The following AFM variants were observed in gnomAD, a reference collection of about 807,000 sequenced individuals.
AFM encodes the protein afamin, also known as alpha-Alb.
Under a neutral mutation model 68.7 loss-of-function variants are expected in AFM, and 82 were observed. The ratio of observed to expected loss-of-function variants is 1.19; its 90% CI spans 1.00 to 1.43. AFM has a LOEUF of 1.43. Among genes scored for constraint, AFM ranks in the 40% most tolerant of loss-of-function variants. The probability of loss-of-function intolerance (pLI) is 0.00; values close to 1 mark genes in which losing one functional copy is unlikely to be tolerated. For synonymous variants in AFM, 250 were observed against 234.2 expected, an observed-to-expected ratio of 1.07 and a Z score of -0.61; for missense variants, 772 against 701.8, an observed-to-expected ratio of 1.10 and a Z score of -1.13.
In AFM at chr4:73,500,047, G is replaced by A. The variant is rs764036852; in HGVS notation, c.1466G>A (p.Arg489Gln). 1.9e-6 allele frequency: 3 copies of A among 1,613,964 alleles called. No individual in the cohort carries two copies. Among genetic ancestry groups the A allele is most frequent in the South Asian group, 2.2e-5 (2 of 91,062 alleles). ...GAGTTATGTGGAGTAAATGAAAATC[G>A]AACTATCAACCCTGCTGTGGACCAC... ...FGELCGVNEN[R>Q]TINPAVDHCC... Residue 489 changes from arginine to glutamine, a missense_variant, in exon 12 of 15, where the codon CGA becomes CAA. Coordinates refer to ENST00000226355, the MANE Select transcript of AFM (RefSeq NM_001133.2).
At chr4:73,498,966 A>G in intron 10 of AFM, 148 bp from the exon 11 acceptor site, 1 of 648,918 alleles carries the variant, frequency 1.5e-6, no homozygotes, top group Non-Finnish European at 2.4e-6. Flanking sequence ...AAGTAAAGAC[A>G]TATTTCTCTA....
chr4:73,498,184 C>A (rs1038868114), intron 10 of AFM, among the ~76,000 whole-genome samples: 2 of 151,882 alleles, frequency 1.3e-5, no homozygotes, highest in African/African-American at 4.8e-5. Flanking sequence ...TAATATTTAG[C>A]TTTTTAGTGC....
chr4:73,492,518 A>G (rs1456032458), intron 8 of AFM, among the ~76,000 whole-genome samples: 5 of 152,132 alleles, frequency 3.3e-5, no homozygotes, highest in Non-Finnish European at 5.9e-5. Flanking sequence ...CTTAACTGCT[A>G]TGCTATGCCA....
intron 6 of AFM, 83 bp from the exon 7 acceptor site, chr4:73,488,547 A>G (rs747843016): frequency 6.6e-6 from 8 of 1,206,988 alleles, no homozygotes; most frequent in South Asian, 1.5e-5. Context: ...TTTTGTAGCT[A>G]TTCATATCAT....
chr4:73,487,927 G>C lies in AFM; in HGVS notation c.713+106G>C, dbSNP rs1720952400. 4 of 729,782 alleles carry C rather than the reference G, an allele frequency of 5.5e-6. No homozygotes were observed. The East Asian group carries it at 1.1e-4, about 20-fold the overall frequency. The allele number at this position is 729,782 out of a possible 1,614,324, so 45.2% of individuals were successfully genotyped here. On this transcript the variant is annotated intron_variant, in intron 6 of 14. Transcript: ENST00000226355. ...TTATTTATATTCTTCCTAGTACCTA[G>C]GGGCTTTGGGGTGAGTCTGAGCCTA... is the stretch of plus-strand genomic sequence containing the variant.
chr4:73,497,328 C>G (rs1260758876), intron 9 of AFM, among the ~76,000 whole-genome samples: 4 of 152,142 alleles, frequency 2.6e-5, no homozygotes, highest in Admixed American at 2.6e-4. Context: ...AACAACTGCT[C>G]TTGCCACTTC....
intron 3 of AFM, among the ~76,000 whole-genome samples, 181 bp from the exon 4 acceptor site, chr4:73,485,681 G>A: frequency 7.5e-6 from 1 of 133,152 alleles, no homozygotes; most frequent in Admixed American, 7.7e-5. Flanking sequence ...GGAGGAGGTG[G>A]AAGAGAAGGA....
chr4:73,498,981 A>G, intron 10 of AFM, 133 bp from the exon 11 acceptor site: 1 of 788,464 alleles, frequency 1.3e-6, no homozygotes, highest in Non-Finnish European at 1.9e-6. Context: ...TCTCTACTTT[A>G]TGAGAGAGCT....
intron 7 of AFM, among the ~76,000 whole-genome samples, chr4:73,489,558 C>A (rs1054710210): frequency 6.6e-6 from 1 of 152,084 alleles, no homozygotes; most frequent in Non-Finnish European, 1.5e-5. Flanking sequence ...GGTATGAATT[C>A]ATCATTGAAT....
At chr4:73,489,349 A>G (rs1433668208) in intron 7 of AFM, among the ~76,000 whole-genome samples, 1 of 151,606 alleles carries the variant, frequency 6.6e-6, no homozygotes, top group East Asian at 1.9e-4. Context: ...TAAAAATTGT[A>G]TATTCTCATG....
intron 12 of AFM, 142 bp downstream of exon 12, chr4:73,500,369 G>A (rs1577981784): frequency 1.4e-6 from 1 of 733,902 alleles, no homozygotes; most frequent in East Asian, 2.8e-5. Flanking sequence ...CTTCTATATG[G>A]AAAAATACAA....
chr4:73,500,438 CTTGGAATGTCCAAGTCTAACA>C (rs1721398272), intron 12 of AFM, among the ~76,000 whole-genome samples: 1 of 151,828 alleles, frequency 6.6e-6, no homozygotes, highest in African/African-American at 2.4e-5. Flanking sequence ...TTGAAAGAGA[CTTGGAATGTCCAAGTCTAACA>C]TTACCTTTAG....
rs1577980491 is a variant in AFM, at chr4:73,498,158, G to C, written c.1289+409G>C. 2.6e-5 allele frequency among the ~76,000 whole-genome samples: 4 copies of C among 152,204 alleles called. No individual in the cohort carries two copies. The South Asian group carries it at 8.3e-4, about 32-fold the overall frequency. On this transcript the variant is annotated intron_variant, in intron 10 of 14. Transcript: ENST00000226355. ...ACCTGAGTTTATAGAAATAACTCAG[G>C]ATGTGTTTAACACTTTAATATTTAG...
intron 10 of AFM, among the ~76,000 whole-genome samples, chr4:73,498,269 AT>A (rs1314787614): frequency 6.6e-6 from 1 of 151,498 alleles, no homozygotes; most frequent in Non-Finnish European, 1.5e-5. Context: ...TATTATCATT[AT>A]TATTATTGTT....
intron 9 of AFM, among the ~76,000 whole-genome samples, chr4:73,496,002 GT>G (rs1359032854): frequency 6.6e-6 from 1 of 152,102 alleles, no homozygotes; most frequent in African/African-American, 2.4e-5. Flanking sequence ...GTTTGGACCT[GT>G]TTTTTTATTT....
chr4:73,492,576 T>A (rs1048603650), intron 8 of AFM, among the ~76,000 whole-genome samples: 1 of 151,798 alleles, frequency 6.6e-6, no homozygotes, highest in Non-Finnish European at 1.5e-5. Flanking sequence ...CCACAGGGAC[T>A]ATATTTGAGT....
At chr4:73,484,444 T>TTCTC (rs1720811952) in intron 3 of AFM, 54 bp downstream of exon 3, 1 of 70,260 alleles carries the variant, frequency 1.4e-5, no homozygotes, top group Non-Finnish European at 2.7e-5. Flanking sequence ...TTCTTTCTCT[T>TTCTC]TCTTTCTTTC....
chr4:73,503,207 C>T, intron 14 of AFM, 97 bp downstream of exon 14: 1 of 945,794 alleles, frequency 1.1e-6, no homozygotes, highest in Non-Finnish European at 1.6e-6. Context: ...ATTTCTGGTT[C>T]ATCCTACATG....
chr4:73,498,129 T>A (rs1311760523), intron 10 of AFM, among the ~76,000 whole-genome samples: 1 of 152,324 alleles, frequency 6.6e-6, no homozygotes, highest in East Asian at 1.9e-4. Context: ...CTTACGGCTA[T>A]CTTACCTGAG....
Sources: gnomAD v4.1 joint callset for allele counts (sites outside exome capture counted in the v4.1 genomes callset) on GRCh38, gnomAD v4.1.1 for gene constraint, MANE v1.5 for transcripts, NCBI Gene and HGNC (gene_info 2026-07-23, HGNC 2026-07-21) for gene names.